The following SLC2A13 variants were observed in gnomAD, a reference collection of about 807,000 sequenced individuals.
SLC2A13 encodes the protein proton myo-inositol cotransporter.
Under a neutral mutation model 64.4 loss-of-function variants are expected in SLC2A13, and 32 were observed. That is an observed-to-expected ratio of 0.50 (90% CI 0.37 to 0.67). SLC2A13 has a LOEUF of 0.67. SLC2A13 is among the 30% of genes least tolerant of loss of function. The pLI, the probability that SLC2A13 is intolerant of heterozygous loss-of-function variation, is 0.00. For missense variants in SLC2A13, 743 were observed against 829.2 expected (o/e 0.90, Z 1.28); for synonymous variants, 338 against 327.1 (o/e 1.03, Z -0.36).
chr12:39,994,390 A>C (rs117608082), intron 3 of SLC2A13, among the ~76,000 whole-genome samples: 3,113 of 151,888 alleles, frequency 0.02, 47 homozygotes, highest in Non-Finnish European at 0.035. Flanking sequence ...CTCAAAAAAA[A>C]AAAAAACAAA....
intron 7 of SLC2A13, among the ~76,000 whole-genome samples, chr12:39,784,429 C>G (rs59563564): frequency 0.033 from 5,080 of 152,276 alleles, 300 homozygotes; most frequent in African/African-American, 0.12. Flanking sequence ...CACACATCTA[C>G]AACCATCTGA....
chr12:39,993,358 G>A (rs1947171738), intron 3 of SLC2A13, among the ~76,000 whole-genome samples: 1 of 152,130 alleles, frequency 6.6e-6, no homozygotes, highest in Non-Finnish European at 1.5e-5. Flanking sequence ...TAAAAGGCAA[G>A]CTTTTAGTGG....
At chr12:39,777,704 G>A (rs190268505) in intron 7 of SLC2A13, among the ~76,000 whole-genome samples, 33 of 152,286 alleles carry the variant, frequency 2.2e-4, no homozygotes, top group African/African-American at 6.5e-4. Context: ...GTGGCTGGCC[G>A]TCGAGAGGAA....
chr12:39,934,667 G>A (rs1415053489), intron 4 of SLC2A13, among the ~76,000 whole-genome samples: 1 of 152,190 alleles, frequency 6.6e-6, no homozygotes, highest in African/African-American at 2.4e-5. Context: ...TCCAGGAGGA[G>A]GCTGTTAATT....
intron 2 of SLC2A13, among the ~76,000 whole-genome samples, chr12:40,044,927 A>C (rs1012911310): frequency 6.6e-6 from 1 of 152,222 alleles, no homozygotes; most frequent in African/African-American, 2.4e-5. Flanking sequence ...CTTTTGAATA[A>C]GAAGATTTGA....
At chr12:40,014,078 T>C (rs574311875) in intron 3 of SLC2A13, among the ~76,000 whole-genome samples, 2 of 152,318 alleles carry the variant, frequency 1.3e-5, no homozygotes, top group East Asian at 3.9e-4. Context: ...ATTATAAAAG[T>C]TCCTGGAGAC....
At chr12:39,835,345 T>C (rs1325728943) in intron 6 of SLC2A13, among the ~76,000 whole-genome samples, 1 of 152,090 alleles carries the variant, frequency 6.6e-6, no homozygotes, top group Non-Finnish European at 1.5e-5. Flanking sequence ...CTTAACAGTG[T>C]AAAAACCTAT....
intron 4 of SLC2A13, among the ~76,000 whole-genome samples, chr12:39,918,931 T>TATACGCACACAC (rs1423951730): frequency 6.7e-6 from 1 of 148,226 alleles, no homozygotes; most frequent in Non-Finnish European, 1.5e-5. Flanking sequence ...TTTCAGGTTA[T>TATACGCACACAC]ACACGCGCAC....
chr12:39,941,026 T>A (rs887455553), intron 4 of SLC2A13, among the ~76,000 whole-genome samples: 48 of 152,172 alleles, frequency 3.2e-4, no homozygotes, highest in African/African-American at 1.1e-3. Context: ...TCTAGGTCAG[T>A]GCAAATGCTG....
At chr12:39,972,219 C>G (rs1231964672) in intron 3 of SLC2A13, among the ~76,000 whole-genome samples, 1 of 151,374 alleles carries the variant, frequency 6.6e-6, no homozygotes, top group Non-Finnish European at 1.5e-5. Flanking sequence ...ATTGTTATCT[C>G]TAAGAATCAC....
At chr12:39,870,675 G>A (rs1404730799) in intron 5 of SLC2A13, among the ~76,000 whole-genome samples, 1 of 151,994 alleles carries the variant, frequency 6.6e-6, no homozygotes, top group Non-Finnish European at 1.5e-5. Context: ...CCTGGCTGTT[G>A]GCAATCATGT....
chr12:39,891,771 A>C (rs944994118), intron 4 of SLC2A13, among the ~76,000 whole-genome samples: 11 of 152,152 alleles, frequency 7.2e-5, no homozygotes, highest in African/African-American at 2.2e-4. Context: ...CCTAAATCAC[A>C]TTGCTGCTAA....
intron 9 of SLC2A13, among the ~76,000 whole-genome samples, chr12:39,762,668 G>A (rs77732779): frequency 0.015 from 2,336 of 152,082 alleles, 61 homozygotes; most frequent in African/African-American, 0.053. Flanking sequence ...ACACGATTAG[G>A]ATGTATATTT....
At chr12:40,078,525 T>C (rs1938269072) in intron 1 of SLC2A13, among the ~76,000 whole-genome samples, 1 of 152,242 alleles carries the variant, frequency 6.6e-6, no homozygotes, top group Non-Finnish European at 1.5e-5. Flanking sequence ...GATGTGCTGC[T>C]GGATTCAATT....
chr12:39,896,643 A>C (rs533307970), intron 4 of SLC2A13, among the ~76,000 whole-genome samples: 2 of 151,800 alleles, frequency 1.3e-5, no homozygotes, highest in East Asian at 3.9e-4. Context: ...AACTTCTGGA[A>C]GAAAACAACA....
In SLC2A13 at chr12:39,925,996, A is replaced by T. The variant is rs540905049; in HGVS notation, c.1034+25261T>A. Reference sequence around the variant, plus strand: ...ATCTAGATCTTCATGAATATGACAGATAGTAAAATAAAAATGAAGCATATG... The same window carrying T: ...ATCTAGATCTTCATGAATATGACAGTTAGTAAAATAAAAATGAAGCATATG... On this transcript the variant is annotated intron_variant, in intron 4 of 9. Coordinates refer to ENST00000280871, the MANE Select transcript of SLC2A13 (RefSeq NM_052885.4). Among the ~76,000 whole-genome samples, 15 of 152,312 alleles carry T rather than the reference A, an allele frequency of 9.8e-5. No homozygotes were observed. In the South Asian group the frequency reaches 2.7e-3, roughly 27 times the overall value.
chr12:40,098,110 T>A (rs1403804026), intron 1 of SLC2A13, among the ~76,000 whole-genome samples: 1 of 151,836 alleles, frequency 6.6e-6, no homozygotes, highest in East Asian at 1.9e-4. Context: ...TATTTTTATA[T>A]GTGTGTGTAT....
At chr12:40,050,086 C>G (rs1778886306) in intron 1 of SLC2A13, among the ~76,000 whole-genome samples, 1 of 152,208 alleles carries the variant, frequency 6.6e-6, no homozygotes. Flanking sequence ...ATGCCCTCAT[C>G]TAACTTGGAA....
chr12:39,799,215 G>A (rs958868610), intron 7 of SLC2A13, among the ~76,000 whole-genome samples: 3 of 148,634 alleles, frequency 2.0e-5, no homozygotes, highest in South Asian at 4.3e-4. Flanking sequence ...TTGGACTCTC[G>A]AGTAGCTGGG....
Sources: gnomAD v4.1 joint callset for allele counts (sites outside exome capture counted in the v4.1 genomes callset) on GRCh38, gnomAD v4.1.1 for gene constraint, MANE v1.5 for transcripts, NCBI Gene and HGNC (gene_info 2026-07-23, HGNC 2026-07-21) for gene names.